Variants in ANK2 observed in about 807,000 individuals in gnomAD.
The protein encoded by ANK2 is ankyrin 2.
Under a neutral mutation model 360.5 loss-of-function variants are expected in ANK2, and 83 were observed. The observed-to-expected ratio is 0.23, with a 90% CI of 0.19 to 0.28. ANK2 has a LOEUF of 0.28. Among genes scored for constraint, ANK2 ranks in the 10% least tolerant of loss-of-function variants. The pLI is 1.00. For synonymous variants in ANK2, 1,740 were observed against 1,759.5 expected (o/e 0.99, Z 0.28); for missense variants, 4,201 against 4,795.7 (o/e 0.88, Z 3.66).
intron 24 of ANK2, among the ~76,000 whole-genome samples, chr4:113,315,963 G>A (rs1213962451): frequency 6.7e-6 from 1 of 148,634 alleles, no homozygotes; most frequent in Non-Finnish European, 1.5e-5. Flanking sequence ...ACACATCCAA[G>A]TGGATCTTAG....
chr4:112,764,707 C>CTT, the ANK2 span, among the ~76,000 whole-genome samples: 33 of 132,940 alleles, frequency 2.5e-4, no homozygotes, highest in East Asian at 8.9e-4. Flanking sequence ...GAAAAGTTAT[C>CTT]TTTTTTTTTT....
At chr4:113,113,455 T>G (rs1335037851) in intron 1 of ANK2, among the ~76,000 whole-genome samples, 1 of 152,196 alleles carries the variant, frequency 6.6e-6, no homozygotes, top group African/African-American at 2.4e-5. Flanking sequence ...TGCTGGACAG[T>G]GAGGACAGCA....
chr4:113,049,913 G>A, intron 1 of ANK2, 101 bp downstream of exon 1: 2 of 1,409,262 alleles, frequency 1.4e-6, no homozygotes, highest in Non-Finnish European at 2.0e-6. Flanking sequence ...GGAGCATTAT[G>A]AGTAACTGTA....
At chr4:113,280,073 A>AT (rs879290468) in intron 17 of ANK2, among the ~76,000 whole-genome samples, 107 of 149,634 alleles carry the variant, frequency 7.2e-4, no homozygotes, top group Non-Finnish European at 1.2e-3. Context: ...ACATACCAGC[A>AT]TTTTTTTTTT....
chr4:112,805,892 T>A, the ANK2 span, among the ~76,000 whole-genome samples: 5 of 152,184 alleles, frequency 3.3e-5, no homozygotes, highest in East Asian at 7.7e-4. Context: ...GACTTTTGTA[T>A]CTTCATTTTA....
chr4:113,151,620 G>A (rs961616054), intron 1 of ANK2, among the ~76,000 whole-genome samples: 1 of 152,082 alleles, frequency 6.6e-6, no homozygotes, highest in African/African-American at 2.4e-5. Context: ...ATTTCAACTT[G>A]AGGTTTGCAG....
chr4:113,230,835 G>A (rs1032926417), intron 4 of ANK2, among the ~76,000 whole-genome samples: 7 of 152,128 alleles, frequency 4.6e-5, no homozygotes, highest in African/African-American at 1.7e-4. Flanking sequence ...CATAGTGTGT[G>A]CTCCATTAGG....
upstream of ANK2, among the ~76,000 whole-genome samples, chr4:112,816,814 C>A (rs1287135530): frequency 2.0e-5 from 3 of 152,184 alleles, no homozygotes; most frequent in Non-Finnish European, 4.4e-5. Flanking sequence ...AGTTCGAGAC[C>A]AGCCTGGACA....
At chr4:113,196,513 AT>A in intron 3 of ANK2, 47 bp downstream of exon 3, 1 of 1,470,484 alleles carries the variant, frequency 6.8e-7, no homozygotes, top group Non-Finnish European at 9.4e-7. Flanking sequence ...AAAAGCGAAA[AT>A]AATTTAAAGC....
At chr4:112,808,467 A>G in the ANK2 span, among the ~76,000 whole-genome samples, 1 of 152,244 alleles carries the variant, frequency 6.6e-6, no homozygotes, top group Non-Finnish European at 1.5e-5. Context: ...AAAGAAAGCA[A>G]ATTATGATAC....
At chr4:112,979,106 G>A (rs992497900) in intron 2 of ANK2, among the ~76,000 whole-genome samples, 2 of 152,220 alleles carry the variant, frequency 1.3e-5, no homozygotes, top group Non-Finnish European at 2.9e-5. Context: ...TGCTGGGCTC[G>A]TTCTGCCCAC....
intron 2 of ANK2, among the ~76,000 whole-genome samples, chr4:112,908,801 C>T (rs1193241090): frequency 1.3e-5 from 2 of 152,200 alleles, no homozygotes; most frequent in East Asian, 3.8e-4. Context: ...AAACTCATTT[C>T]CTGCTGAAGG....
intron 2 of ANK2, among the ~76,000 whole-genome samples, chr4:113,191,430 C>G (rs1024793018): frequency 6.6e-6 from 1 of 152,126 alleles, no homozygotes; most frequent in African/African-American, 2.4e-5. Flanking sequence ...ACAAGGGTGA[C>G]TACTAATAAA....
At chr4:113,191,077 C>T (rs558053143) in intron 2 of ANK2, among the ~76,000 whole-genome samples, 13 of 152,246 alleles carry the variant, frequency 8.5e-5, no homozygotes, top group South Asian at 4.1e-4. Context: ...TGGTGGTTCA[C>T]GCCTATAATC....
the ANK2 span, chr4:112,706,734 T>G: frequency 6.6e-6 from 1 of 152,232 alleles, no homozygotes; most frequent in African/African-American, 2.4e-5. Flanking sequence ...CGGGCAAAGC[T>G]TCACCCAACA....
chr4:112,846,349 G>C (rs979931015), intron 1 of ANK2, among the ~76,000 whole-genome samples: 1 of 152,042 alleles, frequency 6.6e-6, no homozygotes, highest in African/African-American at 2.4e-5. Context: ...GGGCTCAATC[G>C]ATCTGCCCTG....
intron 2 of ANK2, among the ~76,000 whole-genome samples, chr4:112,933,440 T>C (rs2093436639): frequency 1.3e-5 from 2 of 152,190 alleles, no homozygotes; most frequent in Non-Finnish European, 2.9e-5. Flanking sequence ...ATTTTCAATT[T>C]TTCCAGTTTT....
chr4:112,898,982 G>A (rs922499386), intron 1 of ANK2, among the ~76,000 whole-genome samples: 1 of 152,080 alleles, frequency 6.6e-6, no homozygotes, highest in African/African-American at 2.4e-5. Context: ...AATGACCACC[G>A]AGGAGGGTAT....
chr4:113,204,736 G>A (rs756288328), intron 4 of ANK2, among the ~76,000 whole-genome samples: 3 of 152,006 alleles, frequency 2.0e-5, no homozygotes, highest in Non-Finnish European at 4.4e-5. Context: ...CCACTAAACT[G>A]TTGTACACCT....
Sources: allele counts gnomAD v4.1 joint callset (sites outside exome capture counted in the v4.1 genomes callset), GRCh38; gene constraint gnomAD v4.1.1; transcripts MANE v1.5; gene names NCBI Gene and HGNC (gene_info 2026-07-23, HGNC 2026-07-21).